Variants in HERC3 observed in about 807,000 individuals in gnomAD.
The protein encoded by HERC3 is HECT and RLD domain containing E3 ubiquitin protein ligase 3.
HERC3 carries 58 observed loss-of-function variants against 129.9 expected under a neutral mutation model. The observed-to-expected ratio is 0.45, with a 90% CI of 0.36 to 0.56. The LOEUF is 0.56. HERC3 is among the 20% of genes least tolerant of loss of function. The pLI is 0.00. For missense variants in HERC3, 835 were observed against 1,244.2 expected, an observed-to-expected ratio of 0.67 and a Z score of 4.95; for synonymous variants, 430 against 451.0, an observed-to-expected ratio of 0.95 and a Z score of 0.59.
At chr4:88,524,772 A>G in the HERC3 span, 1 of 152,156 alleles carries the variant, frequency 6.6e-6, no homozygotes, top group Non-Finnish European at 1.5e-5. Flanking sequence ...TAGTTTTTCC[A>G]TGTCCGAAGA....
intron 23 of HERC3, chr4:88,692,818 G>C (rs1409864463): frequency 1.2e-6 from 1 of 839,588 alleles, no homozygotes; most frequent in African/African-American, 1.8e-5. Flanking sequence ...GTTTGAGTTA[G>C]ACTGCGCTCC....
intron 12 of HERC3, among the ~76,000 whole-genome samples, chr4:88,666,652 A>G (rs993525240): frequency 2.0e-5 from 3 of 152,340 alleles, no homozygotes; most frequent in African/African-American, 7.2e-5. Flanking sequence ...TTGCAAATAG[A>G]TAGCTCTTTT....
intron 3 of HERC3, among the ~76,000 whole-genome samples, chr4:88,622,115 G>T (rs1725585589): frequency 6.6e-6 from 1 of 152,174 alleles, no homozygotes; most frequent in South Asian, 2.1e-4. Context: ...TCTTCAAAAA[G>T]AAACCACCCA....
At chr4:88,576,416 G>T in the HERC3 span, among the ~76,000 whole-genome samples, 1 of 152,076 alleles carries the variant, frequency 6.6e-6, no homozygotes, top group African/African-American at 2.4e-5. Context: ...CACCCCTTCT[G>T]CCCACTCTGC....
intron 10 of HERC3, among the ~76,000 whole-genome samples, chr4:88,661,563 A>AC (rs1730491804): frequency 6.6e-6 from 1 of 152,232 alleles, no homozygotes; most frequent in Admixed American, 6.5e-5. Flanking sequence ...AGTATAAAGC[A>AC]CCATCAACCT....
At chr4:88,650,200 G>A (rs1313203515) in intron 4 of HERC3, among the ~76,000 whole-genome samples, 12 of 152,104 alleles carry the variant, frequency 7.9e-5, no homozygotes, top group Admixed American at 6.6e-4. Context: ...AATGTGAGTC[G>A]GTTGGGAACT....
the HERC3 span, among the ~76,000 whole-genome samples, chr4:88,565,308 A>G: frequency 2.0e-5 from 3 of 152,020 alleles, no homozygotes; most frequent in Non-Finnish European, 4.4e-5. Flanking sequence ...TGTCTGGATG[A>G]TCTGTCCAAT....
intron 23 of HERC3, among the ~76,000 whole-genome samples, chr4:88,694,544 T>C (rs914127707): frequency 5.3e-5 from 8 of 152,226 alleles, no homozygotes; most frequent in African/African-American, 1.9e-4. Context: ...TTTAATATAT[T>C]TTCTTCAGTT....
At chr4:88,565,077 T>C in the HERC3 span, among the ~76,000 whole-genome samples, 2 of 152,146 alleles carry the variant, frequency 1.3e-5, no homozygotes, top group African/African-American at 4.8e-5. Context: ...TATTAGTCCA[T>C]TGTGATCAGA....
intron 2 of HERC3, among the ~76,000 whole-genome samples, chr4:88,599,962 C>T (rs552978683): frequency 6.6e-6 from 1 of 152,298 alleles, no homozygotes; most frequent in African/African-American, 2.4e-5. Context: ...CTATACAGCA[C>T]AGCATAGTGT....
chr4:88,540,526 G>A, the HERC3 span, among the ~76,000 whole-genome samples: 1 of 152,156 alleles, frequency 6.6e-6, no homozygotes, highest in Non-Finnish European at 1.5e-5. Context: ...CACTCTTCAG[G>A]ATATTATCAA....
intron 3 of HERC3, among the ~76,000 whole-genome samples, chr4:88,636,393 A>G (rs1294195922): frequency 2.6e-5 from 4 of 152,232 alleles, no homozygotes; most frequent in Admixed American, 1.3e-4. Flanking sequence ...ATCAAAAAAA[A>G]GACAAAGGGC....
At chr4:88,552,508 C>T in the HERC3 span, among the ~76,000 whole-genome samples, 9 of 152,160 alleles carry the variant, frequency 5.9e-5, no homozygotes, top group Non-Finnish European at 1.0e-4. Flanking sequence ...CTATCTTGGC[C>T]TCCCAAAGTG....
intron 2 of HERC3, among the ~76,000 whole-genome samples, chr4:88,601,385 G>C (rs1043793988): frequency 2.6e-5 from 4 of 152,208 alleles, no homozygotes; most frequent in Non-Finnish European, 4.4e-5. Flanking sequence ...CCTCTGTGTT[G>C]TAATCTTTAA....
At position 88,687,318 on chromosome 4, in the gene HERC3, C is replaced by T. The variant is rs760173686; in HGVS notation, c.2657+19C>T. The T allele has an allele frequency of 1.3e-6, 2 of 1,523,798 alleles. No individual in the cohort carries two copies. The highest frequency in any genetic ancestry group is 1.8e-6 in the Non-Finnish European group (2 of 1,109,388). The allele number at this position is 1,523,798 out of a possible 1,614,324, so 94.4% of individuals were successfully genotyped here. A position where few individuals can be genotyped will look rare whatever the true frequency, so the allele number is the denominator to read the frequency against. ...ATAACAGGTTAGTCCTGACCTTGGA[C>T]TGTTGCAGATACTGCTACTTCATAT... On this transcript the variant is annotated intron_variant, in intron 23 of 25. Transcript: ENST00000402738.
In HERC3 at chr4:88,704,647, A is replaced by G. The variant is rs889688276; in HGVS notation, c.2944+37A>G. The G allele has an allele frequency of 6.9e-6, 9 of 1,305,496 alleles. No homozygotes were observed. The African/African-American group carries it at 1.2e-4, about 17-fold the overall frequency. 80.9% of individuals were successfully genotyped at this position (1,305,496 alleles called of 1,614,324 possible). On this transcript the variant is annotated intron_variant, in intron 25 of 25. Transcript: ENST00000402738. The stretch of plus-strand genomic sequence containing the variant: ...TAATCTCAATATGGTATTTGTCTAC[A>G]TTTTAGTCTTACATACAGTATAGGA...
intron 21 of HERC3, among the ~76,000 whole-genome samples, chr4:88,682,308 T>C (rs1732867162): frequency 6.6e-6 from 1 of 152,124 alleles, no homozygotes; most frequent in Admixed American, 6.5e-5. Context: ...TTTATATTTA[T>C]ATTTATTTTC....
At chr4:88,644,119 G>A (rs773176844) in intron 3 of HERC3, among the ~76,000 whole-genome samples, 3 of 152,134 alleles carry the variant, frequency 2.0e-5, no homozygotes, top group Non-Finnish European at 2.9e-5. Context: ...ATTAAATACT[G>A]ATAATAGCAA....
At chr4:88,609,434 C>T (rs754768656) in intron 3 of HERC3, among the ~76,000 whole-genome samples, 10 of 152,274 alleles carry the variant, frequency 6.6e-5, no homozygotes, top group Middle Eastern at 3.4e-3. Flanking sequence ...ATTATGCTAC[C>T]GTGCAGTTTC....
Sources: gnomAD v4.1 joint callset for allele counts (sites outside exome capture counted in the v4.1 genomes callset) on GRCh38, gnomAD v4.1.1 for gene constraint, MANE v1.5 for transcripts, NCBI Gene and HGNC (gene_info 2026-07-23, HGNC 2026-07-21) for gene names.